The following TEX36 variants were observed in gnomAD, a reference collection of about 807,000 sequenced individuals.
TEX36 encodes the protein testis expressed 36.
Under a neutral mutation model 13.6 loss-of-function variants are expected in TEX36, and 12 were observed. The ratio of observed to expected loss-of-function variants is 0.88; its 90% CI spans 0.56 to 1.43. The LOEUF (loss-of-function observed/expected upper bound fraction) is 1.43. Ranked by LOEUF, TEX36 falls within the 40% of genes most tolerant of loss-of-function variation. The pLI, the probability that TEX36 is intolerant of heterozygous loss-of-function variation, is 0.00. For missense variants in TEX36, 224 were observed against 228.3 expected (o/e 0.98, Z 0.12); for synonymous variants, 93 against 83.0 (o/e 1.12, Z -0.65).
At chr10:125,637,489 C>T (rs985043737) in intron 3 of TEX36, among the ~76,000 whole-genome samples, 3 of 152,064 alleles carry the variant, frequency 2.0e-5, no homozygotes, top group East Asian at 1.9e-4. Context: ...ACCTGTTGAC[C>T]GGATGTCCAG....
chr10:125,672,599 A>G (rs1468779240), intron 1 of TEX36, among the ~76,000 whole-genome samples: 1 of 152,224 alleles, frequency 6.6e-6, no homozygotes, highest in Non-Finnish European at 1.5e-5. Flanking sequence ...AGAAGAATGT[A>G]TATTCTGTTC....
chr10:125,678,901 G>A (rs186475195), intron 1 of TEX36, among the ~76,000 whole-genome samples: 1 of 152,262 alleles, frequency 6.6e-6, no homozygotes, highest in Non-Finnish European at 1.5e-5. Context: ...ATGACAGCAG[G>A]CACCAGCCAT....
At chr10:125,660,785 G>A (rs1847022595) in intron 3 of TEX36, among the ~76,000 whole-genome samples, 1 of 152,204 alleles carries the variant, frequency 6.6e-6, no homozygotes, top group Non-Finnish European at 1.5e-5. Flanking sequence ...ACTTGCAGAA[G>A]GATGAAGCGC....
chr10:125,681,543 T>C (rs1168263711), intron 1 of TEX36, among the ~76,000 whole-genome samples: 1 of 152,232 alleles, frequency 6.6e-6, no homozygotes, highest in African/African-American at 2.4e-5. Context: ...ATCTACCATA[T>C]AATCCTGGAA....
intron 3 of TEX36, among the ~76,000 whole-genome samples, chr10:125,593,753 G>A (rs1846049358): frequency 6.6e-6 from 1 of 152,204 alleles, no homozygotes; most frequent in African/African-American, 2.4e-5. Flanking sequence ...ACCTGGGGAT[G>A]AGGGGAAGAG....
At chr10:125,674,607 C>G (rs773598130) in intron 1 of TEX36, among the ~76,000 whole-genome samples, 3 of 152,212 alleles carry the variant, frequency 2.0e-5, no homozygotes, top group Non-Finnish European at 4.4e-5. Flanking sequence ...GGAATTTTTA[C>G]AGGGACTTTT....
intron 3 of TEX36, among the ~76,000 whole-genome samples, chr10:125,650,249 A>C (rs185622252): frequency 6.6e-6 from 1 of 152,352 alleles, no homozygotes; most frequent in African/African-American, 2.4e-5. Flanking sequence ...AGTTGGAAGT[A>C]AAGCACTCCT....
intron 1 of TEX36, among the ~76,000 whole-genome samples, chr10:125,677,835 TCATGCCCAG>T (rs1208167310): frequency 2.0e-5 from 3 of 151,926 alleles, no homozygotes; most frequent in Non-Finnish European, 2.9e-5. Flanking sequence ...GCATGCACCA[TCATGCCCAG>T]CTAATTTTTG....
At chr10:125,582,731 T>C (rs1845898335) in intron 3 of TEX36, among the ~76,000 whole-genome samples, 1 of 152,228 alleles carries the variant, frequency 6.6e-6, no homozygotes, top group Admixed American at 6.5e-5. Flanking sequence ...CTTGAAGTGG[T>C]ATTTTTCAGC....
chr10:125,622,268 C>T (rs1422398931), intron 3 of TEX36, among the ~76,000 whole-genome samples: 1 of 152,082 alleles, frequency 6.6e-6, no homozygotes, highest in Admixed American at 6.5e-5. Context: ...ACAAACAACG[C>T]TTAAATGCTG....
At chr10:125,674,199 C>G (rs572090401) in intron 1 of TEX36, among the ~76,000 whole-genome samples, 11 of 152,252 alleles carry the variant, frequency 7.2e-5, no homozygotes, top group South Asian at 6.2e-4. Flanking sequence ...CTTTCCTCTT[C>G]TTGGTCTATT....
intron 3 of TEX36, among the ~76,000 whole-genome samples, chr10:125,645,614 C>T (rs1050478388): frequency 1.1e-4 from 16 of 152,172 alleles, no homozygotes; most frequent in African/African-American, 2.9e-4. Context: ...TATAATTTTA[C>T]ATTATTATTC....
At chr10:125,583,368 G>T (rs1845906616) in intron 3 of TEX36, among the ~76,000 whole-genome samples, 1 of 151,504 alleles carries the variant, frequency 6.6e-6, no homozygotes, top group Non-Finnish European at 1.5e-5. Context: ...TAAGGGCATG[G>T]TCTGTGTTTT....
downstream of TEX36, among the ~76,000 whole-genome samples, chr10:125,620,371 C>A (rs1170979054): frequency 6.6e-6 from 1 of 152,168 alleles, no homozygotes; most frequent in African/African-American, 2.4e-5. Context: ...CTGAACATTT[C>A]CTCATTTGGC....
chr10:125,646,195 G>A lies in TEX36; in HGVS notation c.264+14826C>T, dbSNP rs1395659185. On this transcript the variant is annotated intron_variant, in intron 3 of 3. Coordinates refer to the TEX36 transcript ENST00000526819. ...ATACAATATAGCCAGCCGTGGTGGT[G>A]TGCACCTGTAGTTCCAGCTACTTGG... Among the ~76,000 whole-genome samples, 5 of 152,166 alleles carry A rather than the reference G, an allele frequency of 3.3e-5. No homozygotes were observed. In the East Asian group the frequency reaches 9.7e-4, roughly 29 times the overall value.
intron 3 of TEX36, among the ~76,000 whole-genome samples, chr10:125,660,640 T>C (rs1847020121): frequency 6.6e-6 from 1 of 152,196 alleles, no homozygotes; most frequent in African/African-American, 2.4e-5. Flanking sequence ...TTCCTTATAT[T>C]ATGTAAGCTC....
downstream of TEX36, among the ~76,000 whole-genome samples, chr10:125,652,212 C>T (rs1846871356): frequency 6.6e-6 from 1 of 152,130 alleles, no homozygotes; most frequent in Non-Finnish European, 1.5e-5. Flanking sequence ...AAGAAGAAAA[C>T]TGGAGGCATC....
chr10:125,594,581 A>C (rs1034742402), intron 3 of TEX36, among the ~76,000 whole-genome samples: 2 of 152,224 alleles, frequency 1.3e-5, no homozygotes, highest in Non-Finnish European at 2.9e-5. Context: ...AAAGCTCTCA[A>C]ACCTACATTT....
intron 1 of TEX36, among the ~76,000 whole-genome samples, chr10:125,670,732 C>T (rs1165528640): frequency 6.6e-6 from 1 of 152,102 alleles, no homozygotes; most frequent in Admixed American, 6.6e-5. Flanking sequence ...TTGGGGTTTA[C>T]ATTTCAGTCT....
Sources: gnomAD v4.1 joint callset for allele counts (sites outside exome capture counted in the v4.1 genomes callset) on GRCh38, gnomAD v4.1.1 for gene constraint, MANE v1.5 for transcripts, NCBI Gene and HGNC (gene_info 2026-07-23, HGNC 2026-07-21) for gene names.